The following C1orf35 variants were observed in gnomAD, a reference collection of about 807,000 sequenced individuals.
C1orf35 encodes multiple myeloma tumor-associated protein 2.
In C1orf35, 36 loss-of-function variants were observed where a neutral mutation model predicts 30.9. The ratio of observed to expected loss-of-function variants is 1.16; its 90% CI spans 0.89 to 1.54. The LOEUF (loss-of-function observed/expected upper bound fraction) is 1.54. Ranked by LOEUF, C1orf35 falls within the 40% of genes most tolerant of loss-of-function variation. C1orf35 has a pLI of 0.00. For synonymous variants in C1orf35, 179 were observed against 148.2 expected, an observed-to-expected ratio of 1.21 and a Z score of -1.51; for missense variants, 396 against 358.7, an observed-to-expected ratio of 1.10 and a Z score of -0.84.
At position 228,100,861 on chromosome 1, in the gene C1orf35, G is replaced by C. The variant is rs2032925203; in HGVS notation, c.*270C>G. On this transcript the variant is annotated 3_prime_UTR_variant, in exon 8 of 8. Transcript: ENST00000272139. ...CAACCATGGGCAGGACACAGAGGGA[G>C]TCCAGCCTCTACTGATAAATCTGGG... The C allele has an allele frequency of 1.9e-6, 1 of 532,042 alleles. No homozygotes were observed. The highest frequency in any genetic ancestry group is 1.9e-5 in the African/African-American group (1 of 52,790). The allele number at this position is 532,042 out of a possible 1,614,324, so 33.0% of individuals were successfully genotyped here.
At position 228,103,228 on chromosome 1, in the gene C1orf35, G is replaced by A. The variant is rs891275618; in HGVS notation, c.-1C>T. 7.5e-6 allele frequency: 12 copies of A among 1,609,234 alleles called. No homozygotes were observed. The highest frequency in any genetic ancestry group is 4.4e-5 in the South Asian group (4 of 90,460). On this transcript the variant is annotated 5_prime_UTR_variant, in exon 1 of 8. Transcript: ENST00000272139. ...CGCCTCCACGACTGGAGCCGAACAT[G>A]GCGCCGGGAAGGCAGTTGCCTGGGG...
chr1:228,101,121 G>T lies in C1orf35; in HGVS notation c.*10C>A. On this transcript the variant is annotated 3_prime_UTR_variant, in exon 8 of 8. Coordinates refer to ENST00000272139, the MANE Select transcript of C1orf35 (RefSeq NM_024319.4). The stretch of plus-strand genomic sequence containing the variant: ...AGGGTCCCACAACAGCAGTGAGCAG[G>T]GTCCAGCCATCAGGCCTCAGAGCCT... The T allele has an allele frequency of 1.2e-6, 2 of 1,612,034 alleles. No individual in the cohort carries two copies. The highest frequency in any genetic ancestry group is 8.5e-7 in the Non-Finnish European group (1 of 1,180,020).
rs755017803 is a variant in C1orf35 at position 228,102,125 on chromosome 1, G to A, written c.488C>T (p.Ala163Val). ...CGCCCGCGGCTTCCTCCTGGCCGAG[G>A]CTGCCGAGGTCCCGGGCCCGCCGCT... Reference protein sequence around the residue: ...VESGGPGTSAASARRKPRAED... With the variant: ...VESGGPGTSAVSARRKPRAED... Residue 163 changes from alanine (A) to valine (V), a missense_variant, in exon 6 of 8, where the codon GCC (alanine) becomes GTC (valine). Ala to Val is a moderately conservative substitution (Grantham distance 64, BLOSUM62 0). Transcript: ENST00000272139. 9.5e-6 allele frequency: 15 copies of A among 1,576,414 alleles called. 1 individual carries two copies. In the South Asian group the frequency reaches 1.7e-4, roughly 18 times the overall value.
Position 228,102,972 on chromosome 1 carries a change from A to C in C1orf35, c.172T>G (p.Cys58Gly), listed in dbSNP as rs1341101808. 1 of 1,527,822 alleles carries C rather than the reference A, an allele frequency of 6.5e-7. No individual in the cohort carries two copies. Among genetic ancestry groups the C allele is most frequent in the East Asian group, 2.5e-5 (1 of 39,220 alleles). 94.6% of individuals were successfully genotyped at this position (1,527,822 alleles called of 1,614,324 possible). A position where few individuals can be genotyped will look rare whatever the true frequency, so the allele number is the denominator to read the frequency against. Residue 58 changes from cysteine (C) to glycine (G), a missense_variant, in exon 2 of 8, where the codon TGC (cysteine) becomes GGC (glycine). Coordinates refer to ENST00000272139, the MANE Select transcript of C1orf35 (RefSeq NM_024319.4). ...LTWYAKGRAP[C>G]AGPSREEELA... ...TCCTCCTCGCGGCTCGGGCCCGCGC[A>C]TGGCGCCCGGCCCTTGGCGTACCAG...
intron 6 of C1orf35, chr1:228,101,833 T>G (rs1571849516): frequency 2.8e-6 from 4 of 1,407,262 alleles, no homozygotes; most frequent in Non-Finnish European, 2.8e-6. Flanking sequence ...CCGCCCCAGG[T>G]CCTGAGTGCC....
chr1:228,102,230 C>T, intron 5 of C1orf35, 65 bp from the exon 6 acceptor site: 1 of 1,570,712 alleles, frequency 6.4e-7, no homozygotes, highest in South Asian at 1.1e-5. Flanking sequence ...CCCGCAGCGC[C>T]CCGGGGAGCT....
chr1:228,102,801 G>GCAGC, intron 2 of C1orf35, 98 bp downstream of exon 2: 3 of 1,374,106 alleles, frequency 2.2e-6, no homozygotes, highest in Non-Finnish European at 2.9e-6. Context: ...CCGCAGCCCC[G>GCAGC]CTCCCGCCCA....
Position 228,101,405 on chromosome 1 carries a change from T to C in C1orf35, c.602A>G (p.Lys201Arg). The stretch of plus-strand genomic sequence containing the variant: ...CCTGTGCTCTTTGTCTTTCTTCTTC[T>C]TCTCTTTCTTGTGTTTCCTCTTTTT... ...KKKKRKHKKE[K>R]KKKDKEHRRP... is the part of the protein sequence containing the mutation. The change falls in exon 7 of 8, where the codon AAG becomes AGG. Residue 201 changes from lysine to arginine, a missense_variant. Coordinates refer to ENST00000272139, the MANE Select transcript of C1orf35 (RefSeq NM_024319.4). 3.1e-6 allele frequency: 5 copies of C among 1,613,996 alleles called. No homozygotes were observed. The highest frequency in any genetic ancestry group is 4.2e-6 in the Non-Finnish European group (5 of 1,179,978).
intron 5 of C1orf35, 58 bp downstream of exon 5, chr1:228,102,252 C>G: frequency 8.2e-6 from 13 of 1,584,826 alleles, no homozygotes; most frequent in Non-Finnish European, 1.1e-5. Flanking sequence ...CGTTCAGTGC[C>G]CCCGCCCCGC....
At position 228,101,252 on chromosome 1, in the gene C1orf35, G is replaced by A. The variant is rs1162708398; in HGVS notation, c.671C>T (p.Pro224Leu). 3.7e-6 allele frequency: 6 copies of A among 1,614,026 alleles called. No individual in the cohort carries two copies. In the African/African-American group the frequency reaches 4.0e-5, roughly 11 times the overall value. ...GTCGGAGTCATGGTGGTGGTGCCTG[G>A]GCCTGGGGAGACCAATGGCAGTCAG... is the stretch of plus-strand genomic sequence containing the variant. The part of the protein sequence containing the change: ...ATSSPTSPER[P>L]RHHHHDSDSN... Residue 224 changes from proline to leucine, a missense_variant and splice_region_variant, in exon 8 of 8, where the codon CCC becomes CTC. Pro to Leu is a moderately conservative substitution (Grantham distance 98). Coordinates refer to ENST00000272139, the MANE Select transcript of C1orf35 (RefSeq NM_024319.4).
At position 228,102,702 on chromosome 1, in the gene C1orf35, G is replaced by A. The variant is rs1437158015; in HGVS notation, c.246-14C>T. On this transcript the variant is annotated splice_polypyrimidine_tract_variant and intron_variant, in intron 2 of 7. Transcript: ENST00000272139. ...TTCTTGTAGCCACTGCGAGAGGGCC[G>A]GGGCAGGCGTCAGGACGGACGGACC... is the stretch of plus-strand genomic sequence containing the variant. The A allele has an allele frequency of 3.1e-6, 5 of 1,603,244 alleles. No individual in the cohort carries two copies. The highest frequency in any genetic ancestry group is 1.3e-5 in the African/African-American group (1 of 74,598).
rs752676520 is a variant in C1orf35 at position 228,101,217 on chromosome 1, GGGAGTT to G, written c.700_705del (p.Asn234_Ser235del). 1 of 1,614,068 alleles carries G rather than the reference GGGAGTT, an allele frequency of 6.2e-7. No individual in the cohort carries two copies. The highest frequency in any genetic ancestry group is 8.5e-7 in the Non-Finnish European group (1 of 1,180,056). Reference sequence around the variant, plus strand: ...CCCCGCTTCCTCCTCTTACAGCAGGGGGAGTTGGAGTCGGAGTCATGGTGGTGGTGC... The same window carrying G: ...CCCCGCTTCCTCCTCTTACAGCAGGGGGAGTCGGAGTCATGGTGGTGGTGC... On this transcript the variant is annotated inframe_deletion, in exon 8 of 8. Transcript: ENST00000272139.
chr1:228,102,655 GC>G lies in C1orf35; in HGVS notation c.278del (p.Gly93AlafsTer2). ...CCCGGGGAGTTACCTCCTTGCTCAGGCCCGTGGGCTGCTTCTTCACGTTCTT... is the reference window on the plus strand; with the variant it reads ...CCCGGGGAGTTACCTCCTTGCTCAGGCCGTGGGCTGCTTCTTCACGTTCTT... ...GYKNVKKQPT[G>X]LSKEDFAEVC... On this transcript the variant is annotated frameshift_variant, in exon 3 of 8. Transcript: ENST00000272139. LOFTEE classifies it high-confidence loss of function. 6.2e-7 allele frequency: 1 copy of G among 1,607,494 alleles called. No individual in the cohort carries two copies. Among genetic ancestry groups the G allele is most frequent in the Non-Finnish European group, 8.5e-7 (1 of 1,178,314 alleles).
At position 228,103,276 on chromosome 1, in the gene C1orf35, C is replaced by T. The variant is rs760951089; in HGVS notation, c.-49G>A. On this transcript the variant is annotated 5_prime_UTR_variant, in exon 1 of 8. Transcript: ENST00000272139. Reference sequence around the variant, plus strand: ...GGGCCTGCGGCTTGCAACCTGCAACCCGCAACCCGAGACCCGCTACCCACT... The same window carrying T: ...GGGCCTGCGGCTTGCAACCTGCAACTCGCAACCCGAGACCCGCTACCCACT... The T allele has an allele frequency of 5.0e-6, 8 of 1,593,886 alleles. No homozygotes were observed. Among genetic ancestry groups the T allele is most frequent in the Non-Finnish European group, 6.0e-6 (7 of 1,171,692 alleles).
chr1:228,101,647 G>A lies in C1orf35; in HGVS notation c.534-174C>T. On this transcript the variant is annotated intron_variant, in intron 6 of 7. Transcript: ENST00000272139. The stretch of plus-strand genomic sequence containing the variant: ...GTAGTCACGTGGCCAGTGGCTACGT[G>A]GGTTAGAAACAGATGCAATATCCCC... The A allele has an allele frequency of 7.5e-6, 11 of 1,461,468 alleles. No individual in the cohort carries two copies. The South Asian group carries it at 1.6e-4, about 21-fold the overall frequency. The allele number at this position is 1,461,468 out of a possible 1,614,324, so 90.5% of individuals were successfully genotyped here. A position where few individuals can be genotyped will look rare whatever the true frequency, so the allele number is the denominator to read the frequency against.
In C1orf35 at chr1:228,102,173, A is replaced by T; in HGVS notation, c.448-8T>A. 1 of 1,577,774 alleles carries T rather than the reference A, an allele frequency of 6.3e-7. No individual in the cohort carries two copies. Among genetic ancestry groups the T allele is most frequent in the South Asian group, 1.1e-5 (1 of 88,534 alleles). ...GCTCTCTACGCGGTGATGCTGCGGG[A>T]GAAGCGAGCTCTGCGGAGGAGTCTG... is the stretch of plus-strand genomic sequence containing the variant. On this transcript the variant is annotated splice_polypyrimidine_tract_variant and splice_region_variant and intron_variant, in intron 5 of 7. Coordinates refer to ENST00000272139, the MANE Select transcript of C1orf35 (RefSeq NM_024319.4).
chr1:228,101,467 C>T lies in C1orf35; in HGVS notation c.540G>A (p.Glu180=), dbSNP rs2032944782. The change falls in exon 7 of 8, where the codon GAG becomes GAA. Residue 180 remains glutamate, a synonymous_variant. Coordinates refer to ENST00000272139, the MANE Select transcript of C1orf35 (RefSeq NM_024319.4). ...TCTCCTTCTTGCTTTTCCTGTGGCTCTCACAACTACAAGGAGGATACAAGG... is the reference window on the plus strand; with the variant it reads ...TCTCCTTCTTGCTTTTCCTGTGGCTTTCACAACTACAAGGAGGATACAAGG... ...RAEDQTESSC[E]SHRKSKKEKK... 1.2e-6 allele frequency: 2 copies of T among 1,612,264 alleles called. No individual in the cohort carries two copies. Among genetic ancestry groups the T allele is most frequent in the Non-Finnish European group, 1.7e-6 (2 of 1,180,016 alleles).
At chr1:228,102,752 CTCCAGCCTTCGTCCTCAGGG>C in intron 2 of C1orf35, 64 bp from the exon 3 acceptor site, 3 of 1,535,736 alleles carry the variant, frequency 2.0e-6, no homozygotes, top group Non-Finnish European at 2.6e-6. Flanking sequence ...GTCCTCACCA[CTCCAGCCTTCGTCCTCAGGG>C]TCCCGCCCGC....
In C1orf35 at chr1:228,102,535, TC is replaced by T; in HGVS notation, c.316del (p.Glu106LysfsTer48). ...KEDFAEVCKR[E>X]GGDPEEKGVD... ...GCCCTTCTCCTCGGGGTCGCCTCCT[TC>T]CCGCTTGCAGACCTCCGCGAAGTCC... On this transcript the variant is annotated frameshift_variant, in exon 4 of 8. Coordinates refer to ENST00000272139, the MANE Select transcript of C1orf35 (RefSeq NM_024319.4). LOFTEE classifies it high-confidence loss of function. 1 of 1,557,706 alleles carries T rather than the reference TC, an allele frequency of 6.4e-7. No homozygotes were observed. Among genetic ancestry groups the T allele is most frequent in the Non-Finnish European group, 8.7e-7 (1 of 1,154,794 alleles).
Sources: gnomAD v4.1 joint callset for allele counts on GRCh38, gnomAD v4.1.1 for gene constraint, MANE v1.5 for transcripts, NCBI Gene and HGNC (gene_info 2026-07-23, HGNC 2026-07-21) for gene names.